The following RAB3IP variants were observed in gnomAD, a reference collection of about 807,000 sequenced individuals.
RAB3IP encodes the protein rab-3A-interacting protein.
In RAB3IP, 36 loss-of-function variants were observed where a neutral mutation model predicts 59.1. That is an observed-to-expected ratio of 0.61 (90% CI 0.47 to 0.80). RAB3IP has a LOEUF of 0.80. RAB3IP is among the 30% of genes least tolerant of loss of function. RAB3IP has a pLI of 0.00. For synonymous variants in RAB3IP, 207 were observed against 191.2 expected, an observed-to-expected ratio of 1.08 and a Z score of -0.68; for missense variants, 511 against 536.0, an observed-to-expected ratio of 0.95 and a Z score of 0.46.
At chr12:69,805,156 T>A (rs1328453034) in intron 8 of RAB3IP, among the ~76,000 whole-genome samples, 3 of 152,230 alleles carry the variant, frequency 2.0e-5, no homozygotes, top group Admixed American at 6.5e-5. Context: ...TTTGTTTGTA[T>A]CCTCTTTTAT....
At chr12:69,787,639 A>G (rs927079296) in intron 4 of RAB3IP, among the ~76,000 whole-genome samples, 1 of 152,122 alleles carries the variant, frequency 6.6e-6, no homozygotes, top group Admixed American at 6.5e-5. Flanking sequence ...TCCACACTCA[A>G]GTGATCAGTT....
In RAB3IP at chr12:69,805,791, G is replaced by T. The variant is rs536928393; in HGVS notation, c.1130+4070G>T. Among the ~76,000 whole-genome samples the T allele has an allele frequency of 3.4e-4, 51 of 152,222 alleles. 1 individual carries two copies. In the South Asian group the frequency reaches 8.7e-3, roughly 26 times the overall value. ...TGTCTTTGGTTCTGTTTATATGCTGGATTACGTTTATTGATTTTCTTATGT... is the reference window on the plus strand; with the variant it reads ...TGTCTTTGGTTCTGTTTATATGCTGTATTACGTTTATTGATTTTCTTATGT... On this transcript the variant is annotated intron_variant, in intron 8 of 10. Transcript: ENST00000247833.
chr12:69,741,643 C>G (rs1489445573), intron 1 of RAB3IP, among the ~76,000 whole-genome samples: 2 of 152,282 alleles, frequency 1.3e-5, no homozygotes, highest in Non-Finnish European at 2.9e-5. Context: ...TACTTTATCC[C>G]TATTTTGTAG....
At chr12:69,763,742 AGTTT>A (rs902524237) in intron 3 of RAB3IP, among the ~76,000 whole-genome samples, 1 of 152,034 alleles carries the variant, frequency 6.6e-6, no homozygotes, top group Non-Finnish European at 1.5e-5. Context: ...CCCAATTGTT[AGTTT>A]GTCAGCCCTT....
chr12:69,749,962 G>A (rs1349668847), intron 1 of RAB3IP, among the ~76,000 whole-genome samples: 3 of 152,140 alleles, frequency 2.0e-5, no homozygotes, highest in Non-Finnish European at 4.4e-5. Context: ...TTATATGTGG[G>A]AAAAATAGGG....
chr12:69,810,416 C>T (rs1441264531), intron 8 of RAB3IP, among the ~76,000 whole-genome samples: 1 of 152,182 alleles, frequency 6.6e-6, no homozygotes, highest in African/African-American at 2.4e-5. Context: ...CCACTGCTCT[C>T]TTCAAAGCTT....
chr12:69,783,560 G>T (rs1314074298), intron 3 of RAB3IP, among the ~76,000 whole-genome samples: 2 of 152,204 alleles, frequency 1.3e-5, no homozygotes, highest in African/African-American at 4.8e-5. Context: ...AGGGTTTAGA[G>T]CTTCGTAGCA....
chr12:69,767,426 G>A lies in RAB3IP; in HGVS notation c.510+10763G>A, dbSNP rs116185184. ...TGAGCTCCCTGCTCAGCTCCAGGGG[G>A]ATGGGGCCATGATTGGTGAGAACGA... On this transcript the variant is annotated intron_variant, in intron 3 of 10. Transcript: ENST00000247833. Among the ~76,000 whole-genome samples the A allele has an allele frequency of 8.3e-3, 1,261 of 152,332 alleles. 15 individuals carry two copies. The highest frequency in any genetic ancestry group is 0.025 in the African/African-American group (1,045 of 41,558).
intron 6 of RAB3IP, among the ~76,000 whole-genome samples, chr12:69,797,379 G>A (rs987797804): frequency 1.3e-5 from 2 of 151,392 alleles, no homozygotes; most frequent in African/African-American, 4.9e-5. Flanking sequence ...GGCAGAGTCA[G>A]CTCTTAATAA....
intron 1 of RAB3IP, chr12:69,740,001 G>T: frequency 2.6e-6 from 2 of 779,606 alleles, no homozygotes; most frequent in Non-Finnish European, 4.3e-6. Flanking sequence ...AACTCCTTCC[G>T]TTCAGTGTCG....
intron 1 of RAB3IP, among the ~76,000 whole-genome samples, chr12:69,740,676 G>T (rs115807177): frequency 6.6e-6 from 1 of 152,170 alleles, no homozygotes; most frequent in African/African-American, 2.4e-5. Context: ...AATTAGTGCA[G>T]TTATCCATAT....
intron 3 of RAB3IP, among the ~76,000 whole-genome samples, chr12:69,775,315 G>T (rs952064947): frequency 7.2e-6 from 1 of 138,504 alleles, no homozygotes; most frequent in African/African-American, 2.7e-5. Context: ...ATTTTGGGCT[G>T]AGACGATGGT....
chr12:69,784,424 T>G (rs17225624), intron 3 of RAB3IP, among the ~76,000 whole-genome samples: 5,969 of 150,402 alleles, frequency 0.04, 128 homozygotes, highest in Non-Finnish European at 0.048. Context: ...GTCATTTTGT[T>G]TATTTTCACC....
chr12:69,802,552 T>C (rs1878560469), intron 8 of RAB3IP, among the ~76,000 whole-genome samples: 1 of 152,176 alleles, frequency 6.6e-6, no homozygotes, highest in African/African-American at 2.4e-5. Flanking sequence ...TTGGCTTCTG[T>C]TTAAAAAATG....
At chr12:69,742,837 G>T (rs546281123) in intron 1 of RAB3IP, among the ~76,000 whole-genome samples, 2 of 152,136 alleles carry the variant, frequency 1.3e-5, no homozygotes, top group East Asian at 1.9e-4. Context: ...AGCTTACATC[G>T]TACATAGTCA....
intron 8 of RAB3IP, among the ~76,000 whole-genome samples, chr12:69,805,665 C>T (rs549625406): frequency 8.6e-5 from 13 of 151,702 alleles, no homozygotes; most frequent in African/African-American, 1.5e-4. Context: ...TTTTGAAATA[C>T]GTCCCATCAA....
At chr12:69,754,436 A>AAATATTAAC (rs1443872781) in intron 1 of RAB3IP, among the ~76,000 whole-genome samples, 3 of 152,222 alleles carry the variant, frequency 2.0e-5, no homozygotes, top group East Asian at 3.9e-4. Context: ...AATGACTCAA[A>AAATATTAAC]AATATTAACA....
intron 8 of RAB3IP, among the ~76,000 whole-genome samples, chr12:69,810,324 C>T (rs149226874): frequency 0.011 from 1,625 of 152,258 alleles, 25 homozygotes; most frequent in African/African-American, 0.036. Flanking sequence ...GGGTGCCTCC[C>T]AGTTAGGCTA....
chr12:69,806,344 C>A (rs2136265445), intron 8 of RAB3IP, among the ~76,000 whole-genome samples: 1 of 152,188 alleles, frequency 6.6e-6, no homozygotes, highest in South Asian at 2.1e-4. Flanking sequence ...GTGGTGATAT[C>A]CCCTTTATCA....
Sources: gnomAD v4.1 joint callset for allele counts (sites outside exome capture counted in the v4.1 genomes callset) on GRCh38, gnomAD v4.1.1 for gene constraint, MANE v1.5 for transcripts, NCBI Gene and HGNC (gene_info 2026-07-23, HGNC 2026-07-21) for gene names.